The following CNGB3 variants were observed in gnomAD, a reference collection of about 807,000 sequenced individuals.
CNGB3 encodes cyclic nucleotide-gated channel beta-3.
In CNGB3, 86 loss-of-function variants were observed where a neutral mutation model predicts 92.8. The observed-to-expected ratio is 0.93, with a 90% CI of 0.78 to 1.11. CNGB3 has a LOEUF of 1.11. CNGB3 is among the 50% of genes least tolerant of loss of function. The probability of loss-of-function intolerance (pLI) is 0.00; values close to 1 mark genes in which losing one functional copy is unlikely to be tolerated. For missense variants in CNGB3, 1,026 were observed against 956.8 expected, an observed-to-expected ratio of 1.07 and a Z score of -0.95; for synonymous variants, 333 against 332.7, an observed-to-expected ratio of 1.00 and a Z score of -0.01.
chr8:86,710,464 A>C (rs1824728596), intron 3 of CNGB3, among the ~76,000 whole-genome samples: 1 of 151,612 alleles, frequency 6.6e-6, no homozygotes, highest in Non-Finnish European at 1.5e-5. Context: ...TCCTCCTCCC[A>C]AGAGGATGAA....
At chr8:86,610,096 T>C (rs1206342726) in intron 14 of CNGB3, among the ~76,000 whole-genome samples, 1 of 152,190 alleles carries the variant, frequency 6.6e-6, no homozygotes, top group African/African-American at 2.4e-5. Context: ...CATTTTAGAA[T>C]GATATAGGAG....
intron 6 of CNGB3, chr8:86,659,072 C>A: frequency 1.2e-6 from 1 of 840,536 alleles, no homozygotes; most frequent in Non-Finnish European, 2.0e-6. Flanking sequence ...CTGCTGGGGG[C>A]TCCAGGAGCA....
At chr8:86,713,206 T>A (rs1315282492) in intron 3 of CNGB3, among the ~76,000 whole-genome samples, 1 of 152,192 alleles carries the variant, frequency 6.6e-6, no homozygotes, top group Non-Finnish European at 1.5e-5. Context: ...GCATAGTGGT[T>A]AGAGAATATA....
At chr8:86,649,723 C>T (rs915087540) in intron 7 of CNGB3, among the ~76,000 whole-genome samples, 1 of 151,716 alleles carries the variant, frequency 6.6e-6, no homozygotes, top group East Asian at 1.9e-4. Context: ...AAAAACTCTT[C>T]TGGACATTGG....
chr8:86,586,436 C>T (rs1276132393), intron 15 of CNGB3, among the ~76,000 whole-genome samples: 8 of 151,020 alleles, frequency 5.3e-5, no homozygotes, highest in African/African-American at 1.7e-4. Context: ...GCTGCACCCA[C>T]TAACTCGACA....
intron 3 of CNGB3, among the ~76,000 whole-genome samples, chr8:86,680,503 C>T (rs1824062478): frequency 6.6e-6 from 1 of 152,146 alleles, no homozygotes. Flanking sequence ...GGTGATTCCA[C>T]ACCAATTGCA....
intron 3 of CNGB3, among the ~76,000 whole-genome samples, chr8:86,691,072 G>A (rs975538727): frequency 9.2e-5 from 14 of 152,276 alleles, no homozygotes; most frequent in Admixed American, 9.2e-4. Context: ...GAACTTTAAA[G>A]TAGTTTTTTC....
At position 86,678,559 on chromosome 8, in the gene CNGB3, A is replaced by G. The variant is rs116758549; in HGVS notation, c.339-7461T>C. ...GTGTAGAATATGCTGCAATGCATGTATGGTTCCAACACTTGTTTCCACACC... is the reference window on the plus strand; with the variant it reads ...GTGTAGAATATGCTGCAATGCATGTGTGGTTCCAACACTTGTTTCCACACC... On this transcript the variant is annotated intron_variant, in intron 3 of 17. Transcript: ENST00000320005. Among the ~76,000 whole-genome samples the G allele has an allele frequency of 3.0e-3, 453 of 152,294 alleles. 1 individual carries two copies. The highest frequency in any genetic ancestry group is 0.01 in the African/African-American group (426 of 41,564).
At chr8:86,699,363 T>C (rs1199344157) in intron 3 of CNGB3, among the ~76,000 whole-genome samples, 2 of 152,088 alleles carry the variant, frequency 1.3e-5, no homozygotes, top group African/African-American at 4.8e-5. Flanking sequence ...GTTGGCCAGG[T>C]GCAGTGGCTC....
chr8:86,710,932 G>T (rs1020747829), intron 3 of CNGB3, among the ~76,000 whole-genome samples: 5 of 152,138 alleles, frequency 3.3e-5, no homozygotes, highest in African/African-American at 1.2e-4. Context: ...GAAATTACCT[G>T]GTTTGACAGT....
chr8:86,596,826 C>T (rs1358866938), intron 15 of CNGB3, among the ~76,000 whole-genome samples: 2 of 152,138 alleles, frequency 1.3e-5, no homozygotes, highest in African/African-American at 4.8e-5. Flanking sequence ...CACATATGCA[C>T]CATGGAATAC....
intron 1 of CNGB3, among the ~76,000 whole-genome samples, 195 bp from the exon 2 acceptor site, chr8:86,739,931 C>T (rs1825313323): frequency 6.6e-6 from 1 of 152,210 alleles, no homozygotes; most frequent in African/African-American, 2.4e-5. Context: ...TCAGCCTCCA[C>T]AGCTGCCCTC....
At chr8:86,716,568 G>A (rs1270950252) in intron 3 of CNGB3, among the ~76,000 whole-genome samples, 3 of 152,106 alleles carry the variant, frequency 2.0e-5, no homozygotes, top group Non-Finnish European at 4.4e-5. Context: ...CCTATTTTTA[G>A]CCTCCTTAAA....
intron 3 of CNGB3, among the ~76,000 whole-genome samples, chr8:86,688,217 T>C (rs78350004): frequency 0.043 from 6,535 of 152,074 alleles, 184 homozygotes; most frequent in African/African-American, 0.082. Context: ...AAGATTTTTA[T>C]TGTGAACCTG....
chr8:86,691,419 G>A (rs926831717), intron 3 of CNGB3, among the ~76,000 whole-genome samples: 1 of 152,168 alleles, frequency 6.6e-6, no homozygotes, highest in Non-Finnish European at 1.5e-5. Context: ...TTGAATAGAA[G>A]TGGTGAGAGT....
At position 86,739,638 on chromosome 8, in the gene CNGB3, T is replaced by TC; in HGVS notation, c.211+16dup. The TC allele has an allele frequency of 6.3e-7, 1 of 1,586,652 alleles. No individual in the cohort carries two copies. Among genetic ancestry groups the TC allele is most frequent in the Admixed American group, 1.8e-5 (1 of 56,986 alleles). Reference sequence around the variant, plus strand: ...CTTTTTAGTTTTTTTTTTTTTTTTTTCAGACTGCATTCTGACCTTGTATGT... The same window carrying TC: ...CTTTTTAGTTTTTTTTTTTTTTTTTTCCAGACTGCATTCTGACCTTGTATGT... On this transcript the variant is annotated intron_variant, in intron 2 of 17. Coordinates refer to ENST00000320005, the MANE Select transcript of CNGB3 (RefSeq NM_019098.5).
chr8:86,717,434 G>A (rs1001156695), intron 3 of CNGB3, among the ~76,000 whole-genome samples: 2 of 151,872 alleles, frequency 1.3e-5, no homozygotes, highest in African/African-American at 4.8e-5. Context: ...GTGGTGGCGT[G>A]TGCCTGTAAT....
chr8:86,621,498 TG>T (rs1458269224), intron 13 of CNGB3, among the ~76,000 whole-genome samples: 1 of 152,192 alleles, frequency 6.6e-6, no homozygotes, highest in Non-Finnish European at 1.5e-5. Flanking sequence ...CAATAGTTTT[TG>T]GGGAACAAGT....
intron 2 of CNGB3, among the ~76,000 whole-genome samples, chr8:86,729,763 T>C (rs1825128143): frequency 6.6e-6 from 1 of 152,212 alleles, no homozygotes; most frequent in Non-Finnish European, 1.5e-5. Flanking sequence ...ATCATCCTCA[T>C]CATGAAAGAG....
Sources: gnomAD v4.1 joint callset for allele counts (sites outside exome capture counted in the v4.1 genomes callset) on GRCh38, gnomAD v4.1.1 for gene constraint, MANE v1.5 for transcripts, NCBI Gene and HGNC (gene_info 2026-07-23, HGNC 2026-07-21) for gene names.